Variants in RNF150 observed in about 807,000 individuals in gnomAD.
RNF150 encodes ring finger protein 150.
Under a neutral mutation model 39.3 loss-of-function variants are expected in RNF150, and 24 were observed. That is an observed-to-expected ratio of 0.61 (90% CI 0.44 to 0.86). RNF150 has a LOEUF of 0.86. RNF150 is among the 40% of genes least tolerant of loss of function. The pLI is 0.00. For synonymous variants in RNF150, 255 were observed against 227.3 expected (o/e 1.12, Z -1.10); for missense variants, 502 against 587.8 (o/e 0.85, Z 1.51).
rs535940270 is a variant in RNF150, at chr4:140,901,293, T to C, written c.1198+9851A>G. ...ATTCCATTTCTGCTGCATAGTACAA[T>C]ATCAATAATGATAAATAATAAATCA... On this transcript the variant is annotated intron_variant, in intron 6 of 6. Transcript: ENST00000515673. 1.1e-4 allele frequency among the ~76,000 whole-genome samples: 10 copies of C among 87,622 alleles called. No homozygotes were observed. The Admixed American group carries it at 1.4e-3, about 13-fold the overall frequency. 57.5% of individuals were successfully genotyped at this position (87,622 alleles called of 152,430 possible).
intron 1 of RNF150, among the ~76,000 whole-genome samples, chr4:141,143,323 C>T (rs1727151374): frequency 6.6e-6 from 1 of 152,212 alleles, no homozygotes; most frequent in South Asian, 2.1e-4. Context: ...TGCCAATCTT[C>T]ATCAAACAGT....
intron 1 of RNF150, among the ~76,000 whole-genome samples, chr4:141,087,045 CAT>C (rs1359787055): frequency 6.6e-6 from 1 of 152,002 alleles, no homozygotes; most frequent in Non-Finnish European, 1.5e-5. Flanking sequence ...CATAGATAAA[CAT>C]GTGTCATGGG....
At chr4:141,157,258 T>C (rs993105203) in intron 1 of RNF150, among the ~76,000 whole-genome samples, 1 of 152,174 alleles carries the variant, frequency 6.6e-6, no homozygotes, top group African/African-American at 2.4e-5. Context: ...CTAGAAACCC[T>C]TTTTAAATAG....
At chr4:140,990,693 TC>T (rs1167018465) in intron 1 of RNF150, among the ~76,000 whole-genome samples, 1 of 152,234 alleles carries the variant, frequency 6.6e-6, no homozygotes, top group Non-Finnish European at 1.5e-5. Context: ...TACATAGTAT[TC>T]CATGGTGTAT....
chr4:141,038,411 C>T (rs548757981), intron 1 of RNF150, among the ~76,000 whole-genome samples: 14 of 152,164 alleles, frequency 9.2e-5, no homozygotes, highest in African/African-American at 2.4e-4. Context: ...GAATCTCGAC[C>T]GGGCATGGTG....
At chr4:141,020,548 C>T (rs1735453664) in intron 1 of RNF150, among the ~76,000 whole-genome samples, 1 of 152,138 alleles carries the variant, frequency 6.6e-6, no homozygotes, top group Non-Finnish European at 1.5e-5. Context: ...AAACACTGTT[C>T]TTTTGTTTAT....
intron 1 of RNF150, among the ~76,000 whole-genome samples, chr4:140,975,005 CA>C (rs1226630547): frequency 6.6e-6 from 1 of 152,118 alleles, no homozygotes; most frequent in Non-Finnish European, 1.5e-5. Context: ...CCTGTAATCT[CA>C]GCACTTTGGG....
At chr4:140,878,887 C>A (rs879399431) in intron 6 of RNF150, among the ~76,000 whole-genome samples, 2 of 152,116 alleles carry the variant, frequency 1.3e-5, no homozygotes, top group Non-Finnish European at 2.9e-5. Context: ...AGTTTCAGGT[C>A]TTAGATTTAG....
At chr4:140,948,331 A>G (rs1207200521) in intron 3 of RNF150, among the ~76,000 whole-genome samples, 1 of 152,210 alleles carries the variant, frequency 6.6e-6, no homozygotes, top group African/African-American at 2.4e-5. Context: ...AATAGCACAT[A>G]ATTTGTGAAA....
intron 1 of RNF150, among the ~76,000 whole-genome samples, chr4:141,117,832 T>C (rs1726478422): frequency 6.6e-6 from 1 of 152,218 alleles, no homozygotes; most frequent in South Asian, 2.1e-4. Context: ...ACTTATTCCA[T>C]CCAACAAAGA....
intron 1 of RNF150, among the ~76,000 whole-genome samples, chr4:141,048,887 G>A (rs1736678808): frequency 6.6e-6 from 1 of 152,158 alleles, no homozygotes; most frequent in Non-Finnish European, 1.5e-5. Context: ...CAAGATGATT[G>A]AAGCCAACAT....
intron 6 of RNF150, among the ~76,000 whole-genome samples, chr4:140,879,959 T>C (rs1305055870): frequency 6.6e-6 from 1 of 152,232 alleles, no homozygotes; most frequent in Non-Finnish European, 1.5e-5. Context: ...TAATTTTATT[T>C]CCTCCTTTCC....
chr4:141,132,176 C>T lies in RNF150; in HGVS notation c.484+149G>A, dbSNP rs928227366. ...CTCTTTGTAAACCCCCCAAGTGACG[C>T]GGAGCAAAACTTAATCGGTCCAGGG... On this transcript the variant is annotated intron_variant, in intron 1 of 6. Coordinates refer to ENST00000515673, the MANE Select transcript of RNF150 (RefSeq NM_020724.2). This position sits in a 1 kb window ranked among gnomAD's most constrained non-coding sequence, Gnocchi z 4.9. The T allele has an allele frequency of 3.8e-6, 3 of 792,828 alleles. No homozygotes were observed. The highest frequency in any genetic ancestry group is 1.8e-5 in the South Asian group (1 of 54,558). 49.1% of individuals were successfully genotyped at this position (792,828 alleles called of 1,614,324 possible).
chr4:140,908,853 T>C (rs1234840397), intron 6 of RNF150, among the ~76,000 whole-genome samples: 1 of 152,184 alleles, frequency 6.6e-6, no homozygotes, highest in Non-Finnish European at 1.5e-5. Flanking sequence ...CTATGAAGTA[T>C]GTACCCACTC....
intron 4 of RNF150, among the ~76,000 whole-genome samples, chr4:140,930,449 T>A (rs1042244144): frequency 5.3e-5 from 8 of 152,212 alleles, no homozygotes; most frequent in African/African-American, 1.9e-4. Context: ...AAAATTCTGG[T>A]TTGCTCAATT....
rs1283112113 is a variant in RNF150 at position 140,868,285 on chromosome 4, C to T, written c.1293G>A (p.Gln431=). The stretch of plus-strand genomic sequence containing the variant: ...TTCAAGATTTCACTTCTTCACAGTC[C>T]TGGTCAGTGGAAAGTTCTACATCAG... ...GLSDVELSTD[Q]DCEEVKS is the part of the protein sequence containing the mutation. The change falls in exon 7 of 7, where the codon CAG becomes CAA. Residue 431 remains glutamine, a synonymous_variant. Transcript: ENST00000515673. 1.2e-6 allele frequency: 2 copies of T among 1,602,366 alleles called. No homozygotes were observed. Among genetic ancestry groups the T allele is most frequent in the Admixed American group, 3.3e-5 (2 of 59,964 alleles).
intron 4 of RNF150, among the ~76,000 whole-genome samples, chr4:140,941,561 A>G (rs1027886351): frequency 1.3e-5 from 2 of 152,212 alleles, no homozygotes; most frequent in African/African-American, 4.8e-5. Context: ...TACTTAATGA[A>G]TTTGAAGTTG....
chr4:141,031,633 C>A (rs1259722711), intron 1 of RNF150, among the ~76,000 whole-genome samples: 1 of 151,908 alleles, frequency 6.6e-6, no homozygotes, highest in Non-Finnish European at 1.5e-5. Flanking sequence ...ATGCAAATGG[C>A]CAACATGTAT....
chr4:140,896,721 C>CA (rs1162045168), intron 6 of RNF150, among the ~76,000 whole-genome samples: 18 of 56,092 alleles, frequency 3.2e-4, no homozygotes, highest in African/African-American at 6.3e-4. Context: ...AACAAACAAA[C>CA]AAAAAAAAAT....
Sources: gnomAD v4.1 joint callset for allele counts (sites outside exome capture counted in the v4.1 genomes callset) on GRCh38, gnomAD v4.1.1 for gene constraint, Gnocchi (gnomAD v3.1) non-coding constraint, MANE v1.5 for transcripts, NCBI Gene and HGNC (gene_info 2026-07-23, HGNC 2026-07-21) for gene names.